The following LAMA2 variants were observed in gnomAD, a reference collection of about 807,000 sequenced individuals.
The protein encoded by LAMA2 is laminin subunit alpha 2.
In LAMA2, 269 loss-of-function variants were observed where a neutral mutation model predicts 364.8. The ratio of observed to expected loss-of-function variants is 0.74; its 90% CI spans 0.67 to 0.82. The LOEUF is 0.82. LAMA2 is among the 40% of genes least tolerant of loss of function. LAMA2 has a pLI of 0.00. For synonymous variants in LAMA2, 1,379 were observed against 1,370.6 expected (o/e 1.01, Z -0.14); for missense variants, 3,807 against 3,873.2 (o/e 0.98, Z 0.45).
At chr6:129,490,977 T>C (rs1003615223) in intron 56 of LAMA2, 12 of 152,220 alleles carry the variant, frequency 7.9e-5, no homozygotes, top group African/African-American at 2.9e-4. Context: ...TATTGTTTTT[T>C]CCAGTTCTAC....
chr6:129,355,292 G>A (rs1053336137), intron 32 of LAMA2, among the ~76,000 whole-genome samples: 2 of 152,084 alleles, frequency 1.3e-5, no homozygotes, highest in Non-Finnish European at 2.9e-5. Context: ...TTGTTACACA[G>A]AGTATCTTTA....
chr6:128,981,353 T>C (rs1048036024), intron 1 of LAMA2, among the ~76,000 whole-genome samples: 7 of 152,020 alleles, frequency 4.6e-5, no homozygotes, highest in Non-Finnish European at 8.8e-5. Flanking sequence ...CTCCTGAGAG[T>C]TGGATCTACT....
intron 1 of LAMA2, among the ~76,000 whole-genome samples, chr6:128,984,088 A>G (rs1158821124): frequency 6.6e-6 from 1 of 152,170 alleles, no homozygotes; most frequent in Non-Finnish European, 1.5e-5. Context: ...GTATACAATG[A>G]ATTCTACTAC....
intron 41 of LAMA2, among the ~76,000 whole-genome samples, chr6:129,430,808 A>C (rs1236214314): frequency 6.6e-6 from 1 of 152,098 alleles, no homozygotes; most frequent in Non-Finnish European, 1.5e-5. Context: ...GCTCCATTGC[A>C]CTCTAGCCTG....
chr6:128,909,189 C>T (rs184254652), intron 1 of LAMA2, among the ~76,000 whole-genome samples: 1,582 of 151,946 alleles, frequency 0.01, 31 homozygotes, highest in African/African-American at 0.035. Flanking sequence ...CCTGGGTATC[C>T]TTGTTGACTT....
At chr6:128,969,156 G>C (rs893918344) in intron 1 of LAMA2, among the ~76,000 whole-genome samples, 1 of 152,148 alleles carries the variant, frequency 6.6e-6, no homozygotes, top group Non-Finnish European at 1.5e-5. Flanking sequence ...ACCTTGGCCA[G>C]TGAGAAGGGT....
chr6:129,074,013 AG>A (rs1447075274), intron 3 of LAMA2, among the ~76,000 whole-genome samples: 5 of 152,304 alleles, frequency 3.3e-5, no homozygotes, highest in African/African-American at 1.2e-4. Context: ...GCTTTGCTTC[AG>A]TCAGCAACTC....
chr6:129,416,683 G>A (rs900918240), intron 40 of LAMA2, among the ~76,000 whole-genome samples: 1 of 152,192 alleles, frequency 6.6e-6, no homozygotes, highest in African/African-American at 2.4e-5. Context: ...TGGCACCTTT[G>A]CCTGAGTTTT....
intron 1 of LAMA2, among the ~76,000 whole-genome samples, chr6:128,890,991 C>T (rs185602771): frequency 1.3e-5 from 2 of 152,120 alleles, no homozygotes; most frequent in African/African-American, 2.4e-5. Flanking sequence ...TTCCAATCTC[C>T]CAGATTTTGA....
chr6:129,028,402 A>AG (rs1785984733), intron 1 of LAMA2, among the ~76,000 whole-genome samples: 1 of 151,834 alleles, frequency 6.6e-6, no homozygotes, highest in South Asian at 2.1e-4. Flanking sequence ...AATTTAGTTC[A>AG]GGGAAAGAGG....
intron 1 of LAMA2, among the ~76,000 whole-genome samples, chr6:129,017,746 A>G (rs1785168884): frequency 6.6e-6 from 1 of 151,994 alleles, no homozygotes; most frequent in Non-Finnish European, 1.5e-5. Context: ...CTGTCTTCAT[A>G]TTGATGAAGT....
intron 1 of LAMA2, among the ~76,000 whole-genome samples, chr6:129,013,764 G>C (rs1039296447): frequency 2.5e-4 from 38 of 151,886 alleles, no homozygotes; most frequent in African/African-American, 8.9e-4. Context: ...CTCATATAGA[G>C]AATTTATTCT....
Position 129,260,806 on chromosome 6 carries a change from C to G in LAMA2, c.2192C>G (p.Thr731Ser), listed in dbSNP as rs2114320761. 1 of 1,600,866 alleles carries G rather than the reference C, an allele frequency of 6.2e-7. No individual in the cohort carries two copies. The highest frequency in any genetic ancestry group is 8.6e-7 in the Non-Finnish European group (1 of 1,168,136). ...VEVCQCPPGY[T>S]GSSCESCWPR... is the part of the protein sequence containing the mutation. Reference sequence around the variant, plus strand: ...GTGTGTCAGTGCCCACCAGGGTATACTGGCTCCTCTTGTGAAGTAAGCTTG... The same window carrying G: ...GTGTGTCAGTGCCCACCAGGGTATAGTGGCTCCTCTTGTGAAGTAAGCTTG... Residue 731 changes from threonine to serine, a missense_variant, in exon 15 of 65, where the codon ACT (threonine) becomes AGT (serine). Around this residue, in one of 3 missense-constraint regions of LAMA2, gnomAD observed 3,333 missense variants for 3,345.7 expected, o/e 1.00. Coordinates refer to ENST00000421865, the MANE Select transcript of LAMA2 (RefSeq NM_000426.4).
At chr6:129,073,113 C>G (rs1562213654) in intron 3 of LAMA2, among the ~76,000 whole-genome samples, 2 of 151,880 alleles carry the variant, frequency 1.3e-5, no homozygotes, top group Admixed American at 1.3e-4. Flanking sequence ...TATTTTCCAC[C>G]AAGTATAAAG....
Position 129,177,772 on chromosome 6 carries a change from G to A in LAMA2, c.1373G>A (p.Arg458Lys), listed in dbSNP as rs140604077. Residue 458 changes from arginine to lysine, a missense_variant, in exon 10 of 65, where the codon AGG becomes AAG. By Grantham distance (26) the Arg-to-Lys change is conservative. This residue lies in a region of LAMA2 where 3,333 missense variants were observed against 3,345.7 expected (regional missense o/e 1.00). Coordinates refer to ENST00000421865, the MANE Select transcript of LAMA2 (RefSeq NM_000426.4). Reference sequence around the variant, plus strand: ...GGTGTGAGCTGTGATCGGTGTGCCAGGGGCTACACTGGCTACCCGGACTGC... The same window carrying A: ...GGTGTGAGCTGTGATCGGTGTGCCAAGGGCTACACTGGCTACCCGGACTGC... Reference protein sequence around the residue: ...FGGVSCDRCARGYTGYPDCKA... With the variant: ...FGGVSCDRCAKGYTGYPDCKA... 1.0e-4 allele frequency: 165 copies of A among 1,613,864 alleles called. 1 individual carries two copies. Among genetic ancestry groups the A allele is most frequent in the Middle Eastern group, 4.9e-4 (3 of 6,084 alleles).
chr6:129,170,837 G>A (rs1169960710), intron 9 of LAMA2, among the ~76,000 whole-genome samples: 1 of 149,388 alleles, frequency 6.7e-6, no homozygotes, highest in Non-Finnish European at 1.5e-5. Context: ...CTCAGGACTT[G>A]CTTTATGAAT....
intron 55 of LAMA2, among the ~76,000 whole-genome samples, chr6:129,481,667 C>T (rs1341404292): frequency 1.3e-5 from 2 of 152,092 alleles, no homozygotes; most frequent in East Asian, 3.9e-4. Flanking sequence ...TGCAAAGTCA[C>T]CCTCATATTT....
chr6:128,969,246 A>G (rs1310977573), intron 1 of LAMA2, among the ~76,000 whole-genome samples: 1 of 152,176 alleles, frequency 6.6e-6, no homozygotes, highest in African/African-American at 2.4e-5. Flanking sequence ...TGACAATAAC[A>G]TGTTGTAATA....
At chr6:129,429,920 G>A (rs1013289044) in intron 41 of LAMA2, among the ~76,000 whole-genome samples, 2 of 152,158 alleles carry the variant, frequency 1.3e-5, no homozygotes, top group Non-Finnish European at 2.9e-5. Flanking sequence ...GAAATCTAAA[G>A]ACAAGCATTG....
Sources: gnomAD v4.1 joint callset for allele counts (sites outside exome capture counted in the v4.1 genomes callset) on GRCh38, gnomAD v4.1.1 for gene constraint, gnomAD v4.1.1 regional missense constraint, MANE v1.5 for transcripts, NCBI Gene and HGNC (gene_info 2026-07-23, HGNC 2026-07-21) for gene names.